Variants in SUSD4 observed in about 807,000 individuals in gnomAD.
SUSD4 encodes sushi domain-containing protein 4.
Under a neutral mutation model 50.5 loss-of-function variants are expected in SUSD4, and 41 were observed. The observed-to-expected ratio is 0.81, with a 90% CI of 0.63 to 1.05. SUSD4 has a LOEUF of 1.05. SUSD4 is among the 50% of genes least tolerant of loss of function. SUSD4 has a pLI of 0.00. For synonymous variants in SUSD4, 257 were observed against 257.3 expected, an observed-to-expected ratio of 1.00 and a Z score of 0.01; for missense variants, 580 against 634.7, an observed-to-expected ratio of 0.91 and a Z score of 0.93.
upstream of SUSD4, among the ~76,000 whole-genome samples, chr1:223,364,427 C>T (rs1008872831): frequency 1.3e-5 from 2 of 148,182 alleles, no homozygotes; most frequent in African/African-American, 4.9e-5. The surrounding 1 kb of genome is among the most constrained non-coding windows in gnomAD (Gnocchi z 4.5). Context: ...CCTCTGCCAA[C>T]CCAGCCGGCG....
intron 2 of SUSD4, among the ~76,000 whole-genome samples, chr1:223,318,668 G>A (rs1359924584): frequency 6.6e-6 from 1 of 151,328 alleles, no homozygotes; most frequent in Admixed American, 6.6e-5. Flanking sequence ...TTTGAGAAGT[G>A]TCTGTTCATG....
At chr1:223,268,088 TTAACTA>T (rs1662650500) in intron 4 of SUSD4, among the ~76,000 whole-genome samples, 1 of 138,248 alleles carries the variant, frequency 7.2e-6, no homozygotes, top group African/African-American at 2.7e-5. Context: ...AAGATTGGCT[TTAACTA>T]TATTTTCACC....
rs182937186 is a variant in SUSD4, at chr1:223,263,564, G to A, written c.724+1066C>T. 1,060 of 985,340 alleles carry A rather than the reference G, an allele frequency of 1.1e-3. 3 individuals carry two copies. The highest frequency in any genetic ancestry group is 8.0e-3 in the South Asian group (171 of 21,266). The allele number at this position is 985,340 out of a possible 1,614,324, so 61.0% of individuals were successfully genotyped here. A position where few individuals can be genotyped will look rare whatever the true frequency, so the allele number is the denominator to read the frequency against. On this transcript the variant is annotated intron_variant, in intron 5 of 8. Transcript: ENST00000366878. ...AGGGGAGTTCTAATGATCAGCCTAG[G>A]AGTATGACAAAACCAATGGGAAGGG...
intron 5 of SUSD4, among the ~76,000 whole-genome samples, chr1:223,251,697 G>A (rs569017152): frequency 1.8e-4 from 27 of 152,270 alleles, no homozygotes; most frequent in African/African-American, 6.3e-4. Flanking sequence ...ATTGTGAGTA[G>A]TGCCACAATA....
chr1:223,275,522 G>A lies in SUSD4; in HGVS notation c.362-6847C>T, dbSNP rs571871400. On this transcript the variant is annotated intron_variant, in intron 3 of 8. Coordinates refer to ENST00000366878, the MANE Select transcript of SUSD4 (RefSeq NM_017982.4). ...TCAAATGCCCTTCTCATGGGCTGAT[G>A]ACTTCCAGAGGTTCTACCCCATGTC... is the stretch of plus-strand genomic sequence containing the variant. 6.6e-5 allele frequency among the ~76,000 whole-genome samples: 10 copies of A among 152,294 alleles called. No individual in the cohort carries two copies. The East Asian group carries it at 1.7e-3, about 26-fold the overall frequency.
At chr1:223,258,294 T>A (rs1443271055) in intron 5 of SUSD4, among the ~76,000 whole-genome samples, 2 of 152,226 alleles carry the variant, frequency 1.3e-5, no homozygotes, top group Admixed American at 6.5e-5. Context: ...GGCTTTGAGT[T>A]TTGATCCCAA....
chr1:223,356,742 T>C (rs1405790102), intron 2 of SUSD4, among the ~76,000 whole-genome samples: 1 of 152,190 alleles, frequency 6.6e-6, no homozygotes, highest in Non-Finnish European at 1.5e-5. Context: ...TTGTCTGATA[T>C]TTGTGGAACC....
chr1:223,284,585 A>G (rs1438602075), intron 3 of SUSD4, among the ~76,000 whole-genome samples: 1 of 152,252 alleles, frequency 6.6e-6, no homozygotes, highest in Non-Finnish European at 1.5e-5. Flanking sequence ...TATTCACAAT[A>G]GCCAAGATAT....
chr1:223,249,053 T>C (rs993250351), intron 5 of SUSD4, among the ~76,000 whole-genome samples: 7 of 152,144 alleles, frequency 4.6e-5, no homozygotes, highest in Non-Finnish European at 8.8e-5. Flanking sequence ...TTTGCATTGA[T>C]AGGAGCCACA....
At chr1:223,257,211 T>G (rs1558187520) in intron 5 of SUSD4, among the ~76,000 whole-genome samples, 1 of 152,058 alleles carries the variant, frequency 6.6e-6, no homozygotes, top group Non-Finnish European at 1.5e-5. Context: ...TGTTCAAGAA[T>G]GTAGATGACG....
intron 2 of SUSD4, among the ~76,000 whole-genome samples, chr1:223,303,506 A>C (rs576786764): frequency 3.0e-4 from 45 of 148,582 alleles, no homozygotes; most frequent in East Asian, 5.8e-4. Context: ...CAGGACATTC[A>C]ATAGTTTTTG....
chr1:223,252,221 A>T (rs1281526324), intron 5 of SUSD4, among the ~76,000 whole-genome samples: 10 of 78,696 alleles, frequency 1.3e-4, no homozygotes, highest in East Asian at 6.0e-4. Context: ...AGTATAATTA[A>T]AAAAAAAAAA....
chr1:223,308,025 G>T (rs1276486181), intron 2 of SUSD4, among the ~76,000 whole-genome samples: 1 of 152,142 alleles, frequency 6.6e-6, no homozygotes, highest in Non-Finnish European at 1.5e-5. Flanking sequence ...AATATAGTGG[G>T]ATAACTTACT....
chr1:223,304,567 G>T (rs1226332848), intron 2 of SUSD4, among the ~76,000 whole-genome samples: 1 of 151,630 alleles, frequency 6.6e-6, no homozygotes, highest in Non-Finnish European at 1.5e-5. Flanking sequence ...AGGCTAGTTT[G>T]CAATGTATAT....
At position 223,360,221 on chromosome 1, in the gene SUSD4, T is replaced by TTAAA. The variant is rs754362508; in HGVS notation, c.148+3056_148+3057insTTTA. The TTAAA allele has an allele frequency of 1.5e-4, 70 of 470,852 alleles. 2 individuals are homozygous for TTAAA. Among genetic ancestry groups the TTAAA allele is most frequent in the South Asian group, 1.1e-3 (69 of 64,470 alleles). The allele number at this position is 470,852 out of a possible 1,614,324, so 29.2% of individuals were successfully genotyped here. A position where few individuals can be genotyped will look rare whatever the true frequency, so the allele number is the denominator to read the frequency against. On this transcript the variant is annotated intron_variant, in intron 2 of 8. Coordinates refer to ENST00000366878, the MANE Select transcript of SUSD4 (RefSeq NM_017982.4). ...AATTCACCTTAAAGGAGTCACTTGT[T>TTAAA]GAGCAAACTCTTGGCTCTCTTCCTT... is the stretch of plus-strand genomic sequence containing the variant.
intron 5 of SUSD4, among the ~76,000 whole-genome samples, chr1:223,255,030 G>A (rs1460405213): frequency 1.3e-5 from 2 of 152,158 alleles, no homozygotes; most frequent in East Asian, 3.8e-4. Context: ...ATAGTAACAC[G>A]AACAGCACCA....
intron 5 of SUSD4, among the ~76,000 whole-genome samples, chr1:223,253,420 G>T (rs1482133616): frequency 6.6e-6 from 1 of 152,018 alleles, no homozygotes; most frequent in Non-Finnish European, 1.5e-5. Context: ...GAGACAAAAA[G>T]ATAGGAATAG....
At chr1:223,225,306 C>T (rs1659442090) in intron 7 of SUSD4, among the ~76,000 whole-genome samples, 1 of 152,136 alleles carries the variant, frequency 6.6e-6, no homozygotes, top group African/African-American at 2.4e-5. Flanking sequence ...GCTCTAAACC[C>T]AAGAAGATGA....
chr1:223,337,829 GA>G (rs1429055500), intron 2 of SUSD4, among the ~76,000 whole-genome samples: 1 of 152,182 alleles, frequency 6.6e-6, no homozygotes, highest in South Asian at 2.1e-4. Context: ...CTTAGAGGGA[GA>G]AAATGAGGCC....
Sources: allele counts gnomAD v4.1 joint callset (sites outside exome capture counted in the v4.1 genomes callset), GRCh38; gene constraint gnomAD v4.1.1; non-coding constraint Gnocchi (gnomAD v3.1); transcripts MANE v1.5; gene names NCBI Gene and HGNC (gene_info 2026-07-23, HGNC 2026-07-21).